The following TDP1 variants were observed in gnomAD, a reference collection of about 807,000 sequenced individuals.
TDP1 encodes the protein tyrosyl-DNA phosphodiesterase 1.
Under a neutral mutation model 81.5 loss-of-function variants are expected in TDP1, and 64 were observed. The observed-to-expected ratio is 0.79, with a 90% confidence interval of 0.64 to 0.97. The LOEUF (loss-of-function observed/expected upper bound fraction) is 0.97, where lower values mean the gene tolerates loss of function less well. TDP1 is among the 50% of genes least tolerant of loss of function. The pLI is 0.00. For synonymous variants in TDP1, 256 were observed against 264.3 expected, an observed-to-expected ratio of 0.97 and a Z score of 0.30; for missense variants, 723 against 743.8, an observed-to-expected ratio of 0.97 and a Z score of 0.33.
intron 12 of TDP1, among the ~76,000 whole-genome samples, chr14:89,990,794 G>A (rs931309720): frequency 6.6e-6 from 1 of 152,040 alleles, no homozygotes; most frequent in Admixed American, 6.5e-5. Context: ...ATATGTCAGA[G>A]ATGTTTGGAT....
upstream of TDP1, chr14:89,955,493 G>C (rs962066617): frequency 2.0e-5 from 3 of 152,234 alleles, no homozygotes; most frequent in African/African-American, 7.2e-5. Context: ...TCGAGGTTCT[G>C]AGTCCAATGG....
At chr14:89,981,278 A>G (rs918395644) in intron 8 of TDP1, among the ~76,000 whole-genome samples, 3 of 152,182 alleles carry the variant, frequency 2.0e-5, no homozygotes, top group East Asian at 1.9e-4. Context: ...GAAGAACTGA[A>G]TACGAAAGCT....
chr14:89,966,199 A>G lies in TDP1; in HGVS notation c.603+9A>G. ...TTGTTTCTTCAGCTCAGGTGAGTAT[A>G]CCTTTAAGCTGTTTTTTCTTTGGGT... On this transcript the variant is annotated intron_variant, in intron 4 of 16. Coordinates refer to ENST00000335725, the MANE Select transcript of TDP1 (RefSeq NM_018319.4). 6.3e-7 allele frequency: 1 copy of G among 1,584,960 alleles called. No homozygotes were observed. Among genetic ancestry groups the G allele is most frequent in the Non-Finnish European group, 8.7e-7 (1 of 1,153,806 alleles).
intron 2 of TDP1, chr14:89,962,773 G>A (rs535001101): frequency 1.5e-4 from 34 of 234,188 alleles, no homozygotes; most frequent in African/African-American, 7.2e-4. Flanking sequence ...TCGAGAGGAT[G>A]AGGCAGGAGG....
chr14:90,042,707 T>G (rs1038100526), intron 16 of TDP1: 3 of 183,470 alleles, frequency 1.6e-5, no homozygotes, highest in African/African-American at 7.2e-5. Flanking sequence ...AACCATCAGA[T>G]CTTGTGTGAG....
intron 14 of TDP1, among the ~76,000 whole-genome samples, chr14:90,012,155 G>T (rs1039929549): frequency 2.0e-5 from 3 of 152,174 alleles, no homozygotes; most frequent in Non-Finnish European, 4.4e-5. Flanking sequence ...AGCCTTGGTG[G>T]CTTACACATT....
rs758760054 is a variant in TDP1, at chr14:89,980,561, T to C, written c.813T>C (p.Tyr271=). ...THHTKMMLLL[Y]EEGLRVVIHT... is the part of the protein sequence containing the mutation. ...AAAGGAAAATGATGCTGCTGCTCTA[T>C]GAAGAAGGCCTCCGGGTTGTCATAC... The change falls in exon 8 of 17, where the codon TAT becomes TAC. Residue 271 remains tyrosine (Y), a synonymous_variant. Coordinates refer to ENST00000335725, the MANE Select transcript of TDP1 (RefSeq NM_018319.4). 1.2e-6 allele frequency: 2 copies of C among 1,614,066 alleles called. No homozygotes were observed. Among genetic ancestry groups the C allele is most frequent in the African/African-American group, 1.3e-5 (1 of 74,922 alleles).
At chr14:89,961,585 T>G (rs572602483) in intron 2 of TDP1, among the ~76,000 whole-genome samples, 67 of 152,318 alleles carry the variant, frequency 4.4e-4, no homozygotes, top group African/African-American at 1.5e-3. Flanking sequence ...CGATCTCTGG[T>G]CAGTTGTGTT....
At chr14:89,967,575 G>A (rs187825444) in intron 5 of TDP1, among the ~76,000 whole-genome samples, 153 bp downstream of exon 5, 18 of 152,288 alleles carry the variant, frequency 1.2e-4, no homozygotes, top group Admixed American at 9.2e-4. Flanking sequence ...CCGGAAAACA[G>A]CATTCTTTGA....
intron 5 of TDP1, chr14:89,970,912 C>T (rs1248348870): frequency 7.4e-6 from 2 of 269,274 alleles, no homozygotes; most frequent in Non-Finnish European, 1.1e-5. Context: ...AATCTCGGCT[C>T]ACTGCAACCT....
At chr14:90,018,747 T>A (rs2140258914) in intron 14 of TDP1, among the ~76,000 whole-genome samples, 1 of 152,296 alleles carries the variant, frequency 6.6e-6, no homozygotes, top group Non-Finnish European at 1.5e-5. Context: ...GCCTGGCTTG[T>A]ACCATGATTT....
intron 9 of TDP1, 78 bp from the exon 10 acceptor site, chr14:89,985,054 C>T: frequency 7.4e-7 from 1 of 1,342,578 alleles, no homozygotes; most frequent in Non-Finnish European, 1.0e-6. Context: ...TATTAGTTTT[C>T]ATGTGTATTT....
rs186715604 is a variant in TDP1, at chr14:90,018,101, G to A, written c.1542-1215G>A. Among the ~76,000 whole-genome samples the A allele has an allele frequency of 4.5e-4, 65 of 145,404 alleles. 1 individual carries two copies. In the East Asian group the frequency reaches 0.012, roughly 27 times the overall value. On this transcript the variant is annotated intron_variant, in intron 14 of 16. Transcript: ENST00000335725. ...TTTTTTTTTTTTATCTTACTTGGTC[G>A]TTGTTTTTGTTTGACTCTCCAATTC... is the stretch of plus-strand genomic sequence containing the variant.
intron 15 of TDP1, 33 bp from the exon 16 acceptor site, chr14:90,033,073 G>A: frequency 1.4e-6 from 2 of 1,405,088 alleles, no homozygotes; most frequent in Non-Finnish European, 2.0e-6. Context: ...AGAAAATGGG[G>A]TGCAATCATA....
intron 14 of TDP1, among the ~76,000 whole-genome samples, chr14:90,018,098 G>A (rs1435794417): frequency 6.8e-6 from 1 of 147,622 alleles, no homozygotes; most frequent in Non-Finnish European, 1.5e-5. Flanking sequence ...ATCTTACTTG[G>A]TCGTTGTTTT....
At chr14:90,003,126 T>C (rs148454890) in intron 14 of TDP1, among the ~76,000 whole-genome samples, 6,812 of 152,090 alleles carry the variant, frequency 0.045, 502 homozygotes, top group African/African-American at 0.15. Context: ...TTAGTAGAGA[T>C]GAGGTTTCAC....
intron 8 of TDP1, among the ~76,000 whole-genome samples, chr14:89,982,686 A>T (rs1895116302): frequency 6.6e-6 from 1 of 152,106 alleles, no homozygotes; most frequent in African/African-American, 2.4e-5. Context: ...AAAATTTTGG[A>T]AAACTTATTG....
chr14:89,982,752 T>C (rs1004578819), intron 8 of TDP1, among the ~76,000 whole-genome samples: 1 of 152,266 alleles, frequency 6.6e-6, no homozygotes, highest in Non-Finnish European at 1.5e-5. Flanking sequence ...AATCTTCCTC[T>C]GGCAGCCATC....
intron 16 of TDP1, among the ~76,000 whole-genome samples, chr14:90,035,302 G>A (rs931252160): frequency 3.5e-4 from 53 of 152,182 alleles, no homozygotes; most frequent in Non-Finnish European, 6.5e-4. Flanking sequence ...AGTTTCAGGA[G>A]GCATTCTTTT....
Sources: gnomAD v4.1 joint callset for allele counts (sites outside exome capture counted in the v4.1 genomes callset) on GRCh38, gnomAD v4.1.1 for gene constraint, MANE v1.5 for transcripts, NCBI Gene and HGNC (gene_info 2026-07-23, HGNC 2026-07-21) for gene names.